ASCC3: variants seen among roughly 807,000 people sequenced by gnomAD.
ASCC3 encodes the protein ASC-1 complex subunit P200.
A neutral mutation model predicts 256.3 loss-of-function variants in ASCC3; 158 were observed. The observed-to-expected ratio is 0.62, with a 90% CI of 0.54 to 0.70. The LOEUF is 0.70. ASCC3 is among the 30% of genes least tolerant of loss of function. ASCC3 has a pLI of 0.00. For missense variants in ASCC3, 2,259 were observed against 2,626.0 expected (o/e 0.86, Z 3.05); for synonymous variants, 948 against 883.4 (o/e 1.07, Z -1.30).
intron 4 of ASCC3, among the ~76,000 whole-genome samples, chr6:100,834,746 T>A (rs1024432735): frequency 6.6e-6 from 1 of 152,134 alleles, no homozygotes; most frequent in African/African-American, 2.4e-5. Flanking sequence ...CAAAAATATA[T>A]AATTATCAAA....
chr6:100,674,150 T>C (rs540596565), intron 14 of ASCC3, among the ~76,000 whole-genome samples: 2 of 152,186 alleles, frequency 1.3e-5, no homozygotes, highest in East Asian at 1.9e-4. Context: ...AAATCTATTA[T>C]CAAAAATTTT....
intron 8 of ASCC3, among the ~76,000 whole-genome samples, chr6:100,775,419 G>A (rs9322182): frequency 0.55 from 83,291 of 151,648 alleles, 23,227 homozygotes; most frequent in South Asian, 0.75. Flanking sequence ...GGCCTAGAGA[G>A]GTTAAATAAC....
intron 10 of ASCC3, among the ~76,000 whole-genome samples, chr6:100,760,598 T>C (rs1454174300): frequency 6.6e-6 from 1 of 152,054 alleles, no homozygotes; most frequent in Non-Finnish European, 1.5e-5. Context: ...TGAAACAAAT[T>C]AAAAAATAGA....
rs1562198517 is a variant in ASCC3, at chr6:100,650,712, G to T, written c.3078C>A (p.Val1026=). ...SKAEEFDQIK[V]REEEIEELDT... is the part of the protein sequence containing the mutation. ...CTAACTCCTCTATTTCCTCTTCTCT[G>T]ACCTAGAAGAATCAATGTATTTATT... Residue 1026 remains valine (V), a splice_region_variant and synonymous_variant, in exon 20 of 42, where the codon GTC becomes GTA. Coordinates refer to ENST00000369162, the MANE Select transcript of ASCC3 (RefSeq NM_006828.4). The T allele has an allele frequency of 6.2e-7, 1 of 1,608,142 alleles. No individual in the cohort carries two copies. Among genetic ancestry groups the T allele is most frequent in the Admixed American group, 1.7e-5 (1 of 59,896 alleles).
chr6:100,547,875 A>C (rs1185730436), intron 36 of ASCC3, among the ~76,000 whole-genome samples: 1 of 151,904 alleles, frequency 6.6e-6, no homozygotes, highest in Non-Finnish European at 1.5e-5. Context: ...TGTAAAGTGA[A>C]AAAAAAATCA....
chr6:100,687,101 C>T (rs1270666327), intron 13 of ASCC3, among the ~76,000 whole-genome samples: 1 of 149,702 alleles, frequency 6.7e-6, no homozygotes, highest in Non-Finnish European at 1.5e-5. Context: ...CAGAGATGTC[C>T]ATAATATACT....
intron 36 of ASCC3, among the ~76,000 whole-genome samples, chr6:100,571,450 A>T (rs1454664896): frequency 6.6e-6 from 1 of 152,162 alleles, no homozygotes; most frequent in African/African-American, 2.4e-5. Flanking sequence ...ATTCTTGGCC[A>T]ACTCCACTAT....
intron 14 of ASCC3, among the ~76,000 whole-genome samples, chr6:100,672,053 C>T (rs770333124): frequency 3.3e-5 from 5 of 151,938 alleles, no homozygotes; most frequent in Non-Finnish European, 5.9e-5. Context: ...TTCTCTTTTG[C>T]TTTGTCAACT....
At chr6:100,849,927 C>T (rs1772576520) in intron 3 of ASCC3, among the ~76,000 whole-genome samples, 1 of 151,718 alleles carries the variant, frequency 6.6e-6, no homozygotes, top group South Asian at 2.1e-4. Context: ...TGGTGAAATC[C>T]CGTCTTTACT....
intron 25 of ASCC3, among the ~76,000 whole-genome samples, chr6:100,634,761 C>T (rs918683912): frequency 6.6e-6 from 1 of 151,030 alleles, no homozygotes; most frequent in Non-Finnish European, 1.5e-5. Flanking sequence ...TGGCACAAAC[C>T]TGTAGTCCCA....
chr6:100,840,715 G>A (rs1355848598), intron 4 of ASCC3, among the ~76,000 whole-genome samples: 1 of 151,868 alleles, frequency 6.6e-6, no homozygotes, highest in African/African-American at 2.4e-5. Context: ...TATATATCCT[G>A]TGTGACCTAG....
At chr6:100,726,039 C>T (rs1186085516) in intron 10 of ASCC3, among the ~76,000 whole-genome samples, 2 of 147,844 alleles carry the variant, frequency 1.4e-5, no homozygotes, top group South Asian at 4.2e-4. Context: ...GTAGCATATA[C>T]TGATAATGGT....
chr6:100,702,287 C>T (rs1346148295), intron 13 of ASCC3, among the ~76,000 whole-genome samples: 1 of 152,010 alleles, frequency 6.6e-6, no homozygotes, highest in African/African-American at 2.4e-5. Context: ...TGAGGGTTTA[C>T]AAATGAGACT....
intron 4 of ASCC3, among the ~76,000 whole-genome samples, chr6:100,842,690 G>T (rs1772203890): frequency 6.6e-6 from 1 of 152,072 alleles, no homozygotes; most frequent in Admixed American, 6.6e-5. Flanking sequence ...ATGATTTGGG[G>T]CTGGGTGCAG....
intron 8 of ASCC3, among the ~76,000 whole-genome samples, chr6:100,778,250 T>A (rs532163196): frequency 2.6e-4 from 39 of 152,182 alleles, no homozygotes; most frequent in Non-Finnish European, 4.3e-4. Context: ...AGTAGAGATT[T>A]CAAACAGGCA....
chr6:100,751,360 C>A (rs1209526494), intron 10 of ASCC3, among the ~76,000 whole-genome samples: 1 of 151,882 alleles, frequency 6.6e-6, no homozygotes, highest in African/African-American at 2.4e-5. Context: ...ACACCTAAAC[C>A]TTATTCTATA....
chr6:100,768,896 G>A (rs1307263580), intron 8 of ASCC3, among the ~76,000 whole-genome samples: 1 of 152,032 alleles, frequency 6.6e-6, no homozygotes, highest in East Asian at 1.9e-4. Context: ...AATTATATCA[G>A]GTACCCTTAT....
intron 36 of ASCC3, among the ~76,000 whole-genome samples, chr6:100,577,744 A>C (rs545302669): frequency 2.1e-5 from 3 of 144,696 alleles, no homozygotes; most frequent in East Asian, 2.0e-4. Context: ...CCACCCACCC[A>C]CACACACACA....
intron 10 of ASCC3, among the ~76,000 whole-genome samples, chr6:100,741,257 G>A (rs146273292): frequency 1.3e-5 from 2 of 152,302 alleles, no homozygotes; most frequent in African/African-American, 4.8e-5. Context: ...TCTGCTGTTA[G>A]TCTGATGGGC....
Sources: gnomAD v4.1 joint callset for allele counts (sites outside exome capture counted in the v4.1 genomes callset) on GRCh38, gnomAD v4.1.1 for gene constraint, MANE v1.5 for transcripts, NCBI Gene and HGNC (gene_info 2026-07-23, HGNC 2026-07-21) for gene names.